Variants in MOB1B observed in about 807,000 individuals in gnomAD.
MOB1B encodes MOB1 Mps One Binder homolog B.
A neutral mutation model predicts 24.4 loss-of-function variants in MOB1B; 19 were observed. The observed-to-expected ratio is 0.78, with a 90% CI of 0.54 to 1.14. The LOEUF (loss-of-function observed/expected upper bound fraction) is 1.14, where lower values mean the gene tolerates loss of function less well. Ranked by LOEUF, MOB1B falls within the 50% of genes most tolerant of loss-of-function variation. The probability of loss-of-function intolerance (pLI) is 0.00; values close to 1 mark genes in which losing one functional copy is unlikely to be tolerated. For synonymous variants in MOB1B, 76 were observed against 82.1 expected (o/e 0.93, Z 0.40); for missense variants, 243 against 259.6 (o/e 0.94, Z 0.44).
At chr4:70,928,643 C>T (rs1182378765) in intron 1 of MOB1B, among the ~76,000 whole-genome samples, 2 of 151,962 alleles carry the variant, frequency 1.3e-5, no homozygotes, top group African/African-American at 4.8e-5. Flanking sequence ...GAGTGATTCT[C>T]CTCAGTCTGT....
chr4:70,982,140 TG>T lies in MOB1B; in HGVS notation c.*85del. 9.5e-7 allele frequency: 1 copy of T among 1,049,364 alleles called. No homozygotes were observed. Among genetic ancestry groups the T allele is most frequent in the Non-Finnish European group, 1.4e-6 (1 of 698,864 alleles). The allele number at this position is 1,049,364 out of a possible 1,614,324, so 65.0% of individuals were successfully genotyped here. On this transcript the variant is annotated 3_prime_UTR_variant, in exon 6 of 6. Coordinates refer to ENST00000309395, the MANE Select transcript of MOB1B (RefSeq NM_173468.4). Reference sequence around the variant, plus strand: ...GATTTTGTTATATTTTGTTTTTATCTGGATTGTTTTTGTCCTAGGTTTGGGG... The same window carrying T: ...GATTTTGTTATATTTTGTTTTTATCTGATTGTTTTTGTCCTAGGTTTGGGG...
Position 70,902,372 on chromosome 4 carries a change from G to C in MOB1B, c.-165G>C. 2 of 717,134 alleles carry C rather than the reference G, an allele frequency of 2.8e-6. No individual in the cohort carries two copies. Among genetic ancestry groups the C allele is most frequent in the Non-Finnish European group, 5.0e-6 (2 of 399,184 alleles). The allele number at this position is 717,134 out of a possible 1,614,324, so 44.4% of individuals were successfully genotyped here. On this transcript the variant is annotated 5_prime_UTR_variant, in exon 1 of 6. Transcript: ENST00000309395. ...ACTTCCGCCCCCTCCCCCTGCCATT[G>C]GAACTAGCTGAGCCGAACTAGTTGC...
At chr4:70,961,472 C>T (rs1738302308) in intron 2 of MOB1B, among the ~76,000 whole-genome samples, 1 of 152,188 alleles carries the variant, frequency 6.6e-6, no homozygotes, top group Non-Finnish European at 1.5e-5. Context: ...TTAATATTTT[C>T]AGCCCATGGT....
chr4:70,973,375 T>C (rs113472265), intron 3 of MOB1B, among the ~76,000 whole-genome samples: 2 of 144,818 alleles, frequency 1.4e-5, no homozygotes, highest in Non-Finnish European at 3.0e-5. Context: ...GAGGCCAAGA[T>C]GGGAGGATTG....
At chr4:70,948,069 G>A (rs778381210) in intron 1 of MOB1B, among the ~76,000 whole-genome samples, 1 of 152,040 alleles carries the variant, frequency 6.6e-6, no homozygotes, top group South Asian at 2.1e-4. Context: ...GTAGTTTTAG[G>A]TCTATCATCT....
chr4:70,928,707 G>A (rs994220920), intron 1 of MOB1B, among the ~76,000 whole-genome samples: 2 of 152,106 alleles, frequency 1.3e-5, no homozygotes, highest in African/African-American at 4.8e-5. Flanking sequence ...GGTGGCTACT[G>A]TGCACAGAAG....
At chr4:70,976,924 C>A (rs1001836093) in intron 4 of MOB1B, among the ~76,000 whole-genome samples, 11 of 152,038 alleles carry the variant, frequency 7.2e-5, no homozygotes, top group Non-Finnish European at 8.8e-5. Context: ...AAGAATCATA[C>A]AAACCCTTCA....
intron 1 of MOB1B, among the ~76,000 whole-genome samples, chr4:70,906,191 A>C (rs1735740235): frequency 6.6e-6 from 1 of 152,150 alleles, no homozygotes; most frequent in Non-Finnish European, 1.5e-5. Context: ...CAGCCTGATC[A>C]AGAAATGAAA....
intron 1 of MOB1B, among the ~76,000 whole-genome samples, chr4:70,948,573 C>T (rs1249893596): frequency 6.7e-6 from 1 of 148,742 alleles, no homozygotes; most frequent in Admixed American, 6.6e-5. Flanking sequence ...ATAATAGTGT[C>T]TCTGTTATTT....
chr4:70,958,832 G>A (rs776656857), intron 1 of MOB1B, 42 bp from the exon 2 acceptor site: 2 of 1,525,128 alleles, frequency 1.3e-6, no homozygotes, highest in Non-Finnish European at 1.8e-6. Flanking sequence ...TGAATGTCAT[G>A]CCTTAAATAT....
Position 70,902,605 on chromosome 4 carries a change from GCCC to G in MOB1B, c.14+56_14+58del, listed in dbSNP as rs1560622807. On this transcript the variant is annotated intron_variant, in intron 1 of 5. Coordinates refer to ENST00000309395, the MANE Select transcript of MOB1B (RefSeq NM_173468.4). ...TTTGTTCGGGTGGACCTGGGCCCCCGCCCGCCGCCCGCCGCCCGTCGCCCGCCC... is the reference window on the plus strand; with the variant it reads ...TTTGTTCGGGTGGACCTGGGCCCCCGGCCGCCCGCCGCCCGTCGCCCGCCC... The G allele has an allele frequency of 1.6e-5, 17 of 1,095,366 alleles. No homozygotes were observed. In the African/African-American group the frequency reaches 3.7e-4, roughly 24 times the overall value. The allele number at this position is 1,095,366 out of a possible 1,614,324, so 67.9% of individuals were successfully genotyped here.
intron 1 of MOB1B, among the ~76,000 whole-genome samples, chr4:70,925,837 G>A (rs146251983): frequency 3.2e-4 from 48 of 152,250 alleles, no homozygotes; most frequent in Non-Finnish European, 5.7e-4. Context: ...GTAGATCCCC[G>A]TACTGTCCTT....
intron 1 of MOB1B, among the ~76,000 whole-genome samples, chr4:70,911,469 G>A (rs940438675): frequency 6.6e-6 from 1 of 151,878 alleles, no homozygotes; most frequent in Non-Finnish European, 1.5e-5. Flanking sequence ...TTGAGGGAAT[G>A]TGGGGAGTGG....
chr4:70,902,235 G>A, upstream of MOB1B: 1 of 545,330 alleles, frequency 1.8e-6, no homozygotes, highest in Non-Finnish European at 3.3e-6. Flanking sequence ...CACCGCTATC[G>A]CGAGAGCTCG....
intron 1 of MOB1B, among the ~76,000 whole-genome samples, chr4:70,957,402 C>CAATTTTTAA (rs1391811702): frequency 6.7e-6 from 1 of 150,292 alleles, no homozygotes; most frequent in Non-Finnish European, 1.5e-5. Context: ...CTAGTATTAA[C>CAATTTTTAA]AGAAGATTTA....
rs755673681 is a variant in MOB1B, at chr4:70,958,861, T to C, written c.15-13T>C. 23 of 1,595,636 alleles carry C rather than the reference T, an allele frequency of 1.4e-5. 2 individuals are homozygous for C. In the South Asian group the frequency reaches 2.7e-4, roughly 18 times the overall value. ...TAAATATTAAACCCTTTTTTTTTCT[T>C]TTCTATTCATAGTGGTAGTCGCTCT... is the stretch of plus-strand genomic sequence containing the variant. On this transcript the variant is annotated splice_polypyrimidine_tract_variant and intron_variant, in intron 1 of 5. Coordinates refer to ENST00000309395, the MANE Select transcript of MOB1B (RefSeq NM_173468.4).
intron 1 of MOB1B, among the ~76,000 whole-genome samples, chr4:70,917,073 A>T (rs1290516574): frequency 6.6e-6 from 1 of 152,102 alleles, no homozygotes; most frequent in Non-Finnish European, 1.5e-5. Context: ...TACTTCTTTT[A>T]CTTTTAACCT....
At chr4:70,908,496 C>T (rs529715461) in intron 1 of MOB1B, among the ~76,000 whole-genome samples, 6 of 151,504 alleles carry the variant, frequency 4.0e-5, no homozygotes, top group African/African-American at 9.7e-5. Context: ...CAATTTAGGC[C>T]GGGCACGGTG....
chr4:70,903,032 C>T (rs1735581914), intron 1 of MOB1B, among the ~76,000 whole-genome samples: 1 of 152,146 alleles, frequency 6.6e-6, no homozygotes, highest in Non-Finnish European at 1.5e-5. Flanking sequence ...CTTTTAACTT[C>T]CTCTCTCGTC....
Sources: gnomAD v4.1 joint callset for allele counts (sites outside exome capture counted in the v4.1 genomes callset) on GRCh38, gnomAD v4.1.1 for gene constraint, MANE v1.5 for transcripts, NCBI Gene and HGNC (gene_info 2026-07-23, HGNC 2026-07-21) for gene names.